The following GRIP1 variants were observed in gnomAD, a reference collection of about 807,000 sequenced individuals.
The protein encoded by GRIP1 is glutamate receptor interacting protein 1, also known as glutamate receptor-interacting protein 1.
A neutral mutation model predicts 129.9 loss-of-function variants in GRIP1; 45 were observed. The ratio of observed to expected loss-of-function variants is 0.35; its 90% CI spans 0.27 to 0.44. The LOEUF is 0.44. Among genes scored for constraint, GRIP1 ranks in the 20% least tolerant of loss-of-function variants. The probability of loss-of-function intolerance (pLI) is 1.00; values close to 1 mark genes in which losing one functional copy is unlikely to be tolerated. For synonymous variants in GRIP1, 530 were observed against 520.8 expected (o/e 1.02, Z -0.24); for missense variants, 1,196 against 1,396.8 (o/e 0.86, Z 2.29).
chr12:66,820,149 G>A (rs1351172553), intron 1 of GRIP1, among the ~76,000 whole-genome samples: 1 of 152,174 alleles, frequency 6.6e-6, no homozygotes, highest in Non-Finnish European at 1.5e-5. Context: ...GGTGGCTCAC[G>A]CCTGTAATCC....
intron 1 of GRIP1, among the ~76,000 whole-genome samples, chr12:66,901,901 T>G (rs371828767): frequency 3.3e-5 from 5 of 152,216 alleles, no homozygotes; most frequent in Admixed American, 6.5e-5. Flanking sequence ...ACGGCATACA[T>G]AAAGTCTTCT....
At chr12:66,499,194 C>G (rs756021674) in intron 7 of GRIP1, among the ~76,000 whole-genome samples, 1 of 152,142 alleles carries the variant, frequency 6.6e-6, no homozygotes, top group Non-Finnish European at 1.5e-5. Context: ...GTGAACTGAC[C>G]TATCACTGTG....
At chr12:66,888,143 G>A (rs944892313) in intron 1 of GRIP1, among the ~76,000 whole-genome samples, 2 of 150,850 alleles carry the variant, frequency 1.3e-5, no homozygotes, top group African/African-American at 4.9e-5. Context: ...CTGCAACCTC[G>A]ACCTGGGGCT....
At chr12:66,455,938 G>A (rs937434518) in intron 10 of GRIP1, among the ~76,000 whole-genome samples, 1 of 152,150 alleles carries the variant, frequency 6.6e-6, no homozygotes, top group Non-Finnish European at 1.5e-5. Context: ...TGAGAACATT[G>A]TCTCTGTATA....
intron 15 of GRIP1, among the ~76,000 whole-genome samples, chr12:66,419,464 G>A (rs1241482688): frequency 6.6e-6 from 1 of 152,110 alleles, no homozygotes; most frequent in Non-Finnish European, 1.5e-5. Flanking sequence ...TGGATTGTTT[G>A]TAACACAAAG....
chr12:66,383,299 AAACAAC>A (rs59263648), intron 19 of GRIP1, among the ~76,000 whole-genome samples: 1,696 of 141,402 alleles, frequency 0.012, 24 homozygotes, highest in African/African-American at 0.032. Flanking sequence ...TCTGTCTCAA[AAACAAC>A]AACAACAACA....
intron 1 of GRIP1, among the ~76,000 whole-genome samples, chr12:66,700,594 C>T (rs564495873): frequency 6.6e-6 from 1 of 152,208 alleles, no homozygotes; most frequent in East Asian, 1.9e-4. Context: ...ATGACAGGTG[C>T]ATGCCACTGT....
chr12:67,059,418 C>T (rs943902520), intron 1 of GRIP1, among the ~76,000 whole-genome samples: 5 of 152,164 alleles, frequency 3.3e-5, no homozygotes, highest in Admixed American at 6.5e-5. Context: ...CCAAATGTGC[C>T]AAGTCCAGAG....
intron 2 of GRIP1, among the ~76,000 whole-genome samples, chr12:66,551,934 G>A (rs1003068643): frequency 1.3e-5 from 2 of 152,134 alleles, no homozygotes; most frequent in African/African-American, 4.8e-5. Flanking sequence ...CAGAACTACT[G>A]TGCGGGGATT....
At chr12:66,681,566 C>T (rs115453230), upstream of GRIP1, among the ~76,000 whole-genome samples, 521 of 152,282 alleles carry the variant, frequency 3.4e-3, 4 homozygotes, top group African/African-American at 0.012. Context: ...AAGCATGTGT[C>T]TTTGGGACCT....
chr12:66,440,513 G>A (rs1234699118), intron 13 of GRIP1, among the ~76,000 whole-genome samples: 3 of 152,048 alleles, frequency 2.0e-5, no homozygotes, highest in East Asian at 1.9e-4. Context: ...CTGTCTCCAG[G>A]AGTTCAATTG....
chr12:66,548,901 C>G (rs2062033797), intron 2 of GRIP1, among the ~76,000 whole-genome samples: 1 of 152,080 alleles, frequency 6.6e-6, no homozygotes, highest in Admixed American at 6.6e-5. Context: ...CCTCAAAATG[C>G]TCTATAAGAT....
intron 1 of GRIP1, among the ~76,000 whole-genome samples, chr12:66,897,636 CACAA>C (rs1566069368): frequency 6.6e-6 from 1 of 152,170 alleles, no homozygotes; most frequent in East Asian, 1.9e-4. Context: ...TAGAGATTTT[CACAA>C]ACAGTTGATG....
In GRIP1 at chr12:66,630,615, C is replaced by G. The variant is rs574609479; in HGVS notation, c.56-33688G>C. Among the ~76,000 whole-genome samples the G allele has an allele frequency of 2.0e-5, 3 of 152,276 alleles. No homozygotes were observed. In the South Asian group the frequency reaches 6.2e-4, roughly 32 times the overall value. On this transcript the variant is annotated intron_variant, in intron 1 of 24. Coordinates refer to ENST00000359742, the MANE Select transcript of GRIP1 (RefSeq NM_001366722.1). ...CTGGGTGTCTTAAAGGCCATACATTCAAAAGTTAGCTGTGCTATCATTATG... is the reference window on the plus strand; with the variant it reads ...CTGGGTGTCTTAAAGGCCATACATTGAAAAGTTAGCTGTGCTATCATTATG...
chr12:66,406,247 C>T lies in GRIP1; in HGVS notation c.1984+36G>A, dbSNP rs767529511. 2.1e-5 allele frequency: 34 copies of T among 1,609,042 alleles called. 1 individual carries two copies. Among genetic ancestry groups the T allele is most frequent in the East Asian group, 1.3e-4 (6 of 44,842 alleles). On this transcript the variant is annotated intron_variant, in intron 16 of 24. Coordinates refer to ENST00000359742, the MANE Select transcript of GRIP1 (RefSeq NM_001366722.1). ...TATCTTTGGTGACAGATGGGCAGTT[C>T]GAAAAATCAGTTTTAACTAAGGATG...
At chr12:66,580,057 T>C (rs1273648137) in intron 2 of GRIP1, among the ~76,000 whole-genome samples, 1 of 148,790 alleles carries the variant, frequency 6.7e-6, no homozygotes, top group Non-Finnish European at 1.5e-5. Context: ...ACAGCGGATC[T>C]CTTGGCAGAA....
chr12:66,421,876 C>T (rs1183054020), intron 14 of GRIP1, among the ~76,000 whole-genome samples: 2 of 151,816 alleles, frequency 1.3e-5, no homozygotes, highest in Non-Finnish European at 2.9e-5. Context: ...AGAATTAACC[C>T]TAGAAACTAA....
intron 1 of GRIP1, among the ~76,000 whole-genome samples, chr12:66,711,530 T>A (rs1384193842): frequency 6.6e-6 from 1 of 151,868 alleles, no homozygotes. Context: ...CAAAATTTAC[T>A]GTGCTCTTAG....
chr12:66,715,897 C>T (rs867848227), intron 1 of GRIP1, among the ~76,000 whole-genome samples: 2 of 152,078 alleles, frequency 1.3e-5, no homozygotes, highest in Middle Eastern at 6.8e-3. Flanking sequence ...TCTAGGTACC[C>T]CTTTGACCGA....
Sources: allele counts gnomAD v4.1 joint callset (sites outside exome capture counted in the v4.1 genomes callset), GRCh38; gene constraint gnomAD v4.1.1; transcripts MANE v1.5; gene names NCBI Gene and HGNC (gene_info 2026-07-23, HGNC 2026-07-21).